Variants in KLRD1 observed in about 807,000 individuals in gnomAD.
The protein encoded by KLRD1 is natural killer cells antigen CD94.
In KLRD1, 21 loss-of-function variants were observed where a neutral mutation model predicts 22.6. The observed-to-expected ratio is 0.93, with a 90% CI of 0.66 to 1.34. KLRD1 has a LOEUF of 1.34. KLRD1 is among the 40% of genes most tolerant of loss of function. KLRD1 has a pLI of 0.00. For synonymous variants in KLRD1, 59 were observed against 71.1 expected (o/e 0.83, Z 0.85); for missense variants, 183 against 208.6 (o/e 0.88, Z 0.76).
chr12:10,277,629 T>A (rs905124672), intron 1 of KLRD1, among the ~76,000 whole-genome samples: 3 of 152,196 alleles, frequency 2.0e-5, no homozygotes, highest in African/African-American at 7.2e-5. Context: ...TTTCTAAAAT[T>A]GTATAAAAAT....
At chr12:10,281,222 A>G (rs1205289113) in intron 1 of KLRD1, among the ~76,000 whole-genome samples, 1 of 152,138 alleles carries the variant, frequency 6.6e-6, no homozygotes, top group African/African-American at 2.4e-5. Flanking sequence ...GAAAGACAAA[A>G]CCACAAGTGA....
chr12:10,285,466 C>T (rs951583780), intron 1 of KLRD1, among the ~76,000 whole-genome samples: 3 of 152,172 alleles, frequency 2.0e-5, no homozygotes, highest in African/African-American at 7.2e-5. Flanking sequence ...GATAAGGGTT[C>T]TGAAATAACT....
At chr12:10,277,114 GTTTTTTTTTTT>G (rs36020833) in intron 1 of KLRD1, among the ~76,000 whole-genome samples, 1 of 115,362 alleles carries the variant, frequency 8.7e-6, no homozygotes, top group Admixed American at 8.9e-5. Context: ...GCCTCACAGA[GTTTTTTTTTTT>G]TTTTTTTTTT....
chr12:10,246,167 CCTTT>C (rs1949289021), intron 1 of KLRD1, among the ~76,000 whole-genome samples: 1 of 152,066 alleles, frequency 6.6e-6, no homozygotes, highest in Non-Finnish European at 1.5e-5. Context: ...ATTGCTCCCT[CCTTT>C]CTTGGTTCTG....
At chr12:10,314,312 A>G (rs1308834393) in intron 5 of KLRD1, among the ~76,000 whole-genome samples, 4 of 152,158 alleles carry the variant, frequency 2.6e-5, no homozygotes. Flanking sequence ...TAAACATGAG[A>G]TTTGCAGCAT....
chr12:10,255,461 A>G (rs185569515), intron 1 of KLRD1, among the ~76,000 whole-genome samples: 3 of 152,206 alleles, frequency 2.0e-5, no homozygotes, highest in African/African-American at 7.2e-5. Flanking sequence ...GTTCTTTCCA[A>G]TGTATTTAAA....
chr12:10,298,671 T>C (rs932150997), intron 1 of KLRD1, among the ~76,000 whole-genome samples: 1 of 152,264 alleles, frequency 6.6e-6, no homozygotes, highest in African/African-American at 2.4e-5. Flanking sequence ...TCTTAAACCA[T>C]GAACAATAGC....
At chr12:10,260,977 ATTT>A (rs34182647) in intron 1 of KLRD1, among the ~76,000 whole-genome samples, 118,837 of 148,896 alleles carry the variant, frequency 0.8, 51,358 homozygotes, top group Non-Finnish European at 0.96. Context: ...AAAAAAAAAA[ATTT>A]TTTTGAGGTA....
chr12:10,253,275 G>C (rs142539219), intron 1 of KLRD1, among the ~76,000 whole-genome samples: 1 of 152,102 alleles, frequency 6.6e-6, no homozygotes, highest in Non-Finnish European at 1.5e-5. Context: ...TTAGGCGTAC[G>C]TTGGGCCCCT....
chr12:10,267,456 A>G (rs557994825), intron 1 of KLRD1, among the ~76,000 whole-genome samples: 2 of 152,360 alleles, frequency 1.3e-5, no homozygotes, highest in African/African-American at 4.8e-5. Context: ...GTGTCAACAT[A>G]CTATTCAAAA....
intron 1 of KLRD1, among the ~76,000 whole-genome samples, chr12:10,290,557 G>A (rs1490812604): frequency 1.3e-5 from 2 of 152,078 alleles, no homozygotes; most frequent in East Asian, 1.9e-4. Flanking sequence ...ATACATGCAC[G>A]CACAAACACA....
chr12:10,246,310 C>T (rs1336797673), intron 1 of KLRD1, among the ~76,000 whole-genome samples: 1 of 151,794 alleles, frequency 6.6e-6, no homozygotes, highest in Non-Finnish European at 1.5e-5. Context: ...TACTAGTGAA[C>T]ATAAAATTAC....
intron 1 of KLRD1, chr12:10,309,131 G>T: frequency 3.2e-6 from 1 of 314,368 alleles, no homozygotes; most frequent in Non-Finnish European, 5.8e-6. Flanking sequence ...AAAATAAATG[G>T]TAAATTCACT....
At chr12:10,308,371 G>A in intron 1 of KLRD1, 1 of 423,444 alleles carries the variant, frequency 2.4e-6, no homozygotes, top group Non-Finnish European at 4.3e-6. Context: ...TAAATTGTGA[G>A]CAACAGTGTT....
At chr12:10,245,327 C>T (rs908752456) in intron 1 of KLRD1, among the ~76,000 whole-genome samples, 7 of 152,094 alleles carry the variant, frequency 4.6e-5, no homozygotes, top group Admixed American at 4.6e-4. Context: ...CACTGCACTC[C>T]AGCCTGGGCG....
chr12:10,309,042 G>C, intron 1 of KLRD1: 1 of 182,366 alleles, frequency 5.5e-6, no homozygotes, highest in Non-Finnish European at 1.1e-5. Context: ...ATAAATGCCT[G>C]TTATGTAAGT....
At chr12:10,264,682 CTG>C (rs1288838996) in intron 1 of KLRD1, among the ~76,000 whole-genome samples, 21 of 149,860 alleles carry the variant, frequency 1.4e-4, no homozygotes, top group Admixed American at 3.3e-4. Flanking sequence ...TAGTTACCTT[CTG>C]TGTGTGTGTG....
intron 1 of KLRD1, among the ~76,000 whole-genome samples, chr12:10,285,897 C>T (rs1313337692): frequency 2.6e-5 from 4 of 152,330 alleles, no homozygotes; most frequent in Non-Finnish European, 2.9e-5. Context: ...TGCTAGTGAT[C>T]AGCCACATCC....
At chr12:10,250,039 G>T (rs12370398) in intron 1 of KLRD1, among the ~76,000 whole-genome samples, 1 of 152,000 alleles carries the variant, frequency 6.6e-6, no homozygotes, top group East Asian at 1.9e-4. Context: ...TACGTTGTCC[G>T]TCATGCTCAG....
Sources: allele counts gnomAD v4.1 joint callset (sites outside exome capture counted in the v4.1 genomes callset), GRCh38; gene constraint gnomAD v4.1.1; transcripts MANE v1.5; gene names NCBI Gene and HGNC (gene_info 2026-07-23, HGNC 2026-07-21).